Variants in KCTD1 observed in about 807,000 individuals in gnomAD.
KCTD1 encodes BTB/POZ domain-containing protein KCTD1.
In KCTD1, 24 loss-of-function variants were observed where a neutral mutation model predicts 66.0. The observed-to-expected ratio is 0.36, with a 90% CI of 0.26 to 0.51. KCTD1 has a LOEUF of 0.51. KCTD1 is among the 20% of genes least tolerant of loss of function. KCTD1 has a pLI of 0.95. For synonymous variants in KCTD1, 511 were observed against 517.2 expected (o/e 0.99, Z 0.16); for missense variants, 943 against 1,205.2 (o/e 0.78, Z 3.22).
chr18:26,468,905 C>T lies in KCTD1; in HGVS notation c.2133+7610G>A, dbSNP rs149497961. Among the ~76,000 whole-genome samples, 15 of 152,268 alleles carry T rather than the reference C, an allele frequency of 9.9e-5. No homozygotes were observed. Among genetic ancestry groups the T allele is most frequent in the East Asian group, 1.9e-4 (1 of 5,178 alleles). ...TCCCAGGTTCAAGAGAAAACTCTGA[C>T]GAGGAAGAAAGCACCAATAGTACTG... On this transcript the variant is annotated intron_variant, in intron 3 of 4. Coordinates refer to ENST00000580059, the MANE Select transcript of KCTD1 (RefSeq NM_001142730.3). This position sits in a 1 kb window ranked among gnomAD's most constrained non-coding sequence, Gnocchi z 4.8.
intron 1 of KCTD1, among the ~76,000 whole-genome samples, chr18:26,531,593 T>C (rs1172909012): frequency 1.3e-5 from 2 of 152,234 alleles, no homozygotes; most frequent in African/African-American, 4.8e-5. Context: ...TTTCCCTCAG[T>C]GTACTTAAAC....
chr18:26,533,827 T>TAA (rs143763803), intron 1 of KCTD1, among the ~76,000 whole-genome samples: 6 of 130,444 alleles, frequency 4.6e-5, no homozygotes, highest in African/African-American at 5.7e-5. Context: ...AGCTATTATT[T>TAA]AAAAAAAAAA....
At chr18:26,477,840 G>C (rs929822853) in intron 2 of KCTD1, among the ~76,000 whole-genome samples, 1 of 152,142 alleles carries the variant, frequency 6.6e-6, no homozygotes, top group African/African-American at 2.4e-5. Context: ...AAGGTAGTAA[G>C]TGCAAAGAGG....
At chr18:26,553,091 A>G (rs1462116715), upstream of KCTD1, among the ~76,000 whole-genome samples, 1 of 151,636 alleles carries the variant, frequency 6.6e-6, no homozygotes. Flanking sequence ...CCTGGGCTCA[A>G]GTGATCCTCC....
At chr18:26,641,894 C>T (rs1049003960), upstream of KCTD1, among the ~76,000 whole-genome samples, 1 of 152,090 alleles carries the variant, frequency 6.6e-6, no homozygotes. Context: ...TATACACATG[C>T]ATATGTGTAC....
chr18:26,585,944 T>C (rs1034679742), intron 1 of KCTD1, among the ~76,000 whole-genome samples: 23 of 152,194 alleles, frequency 1.5e-4, no homozygotes, highest in Non-Finnish European at 2.4e-4. Flanking sequence ...CCTAGCTACC[T>C]GGCAGGCTTG....
At chr18:26,490,544 CTA>C (rs777887694) in intron 2 of KCTD1, among the ~76,000 whole-genome samples, 1 of 152,156 alleles carries the variant, frequency 6.6e-6, no homozygotes, top group Non-Finnish European at 1.5e-5. Context: ...CAGGCAGGTC[CTA>C]AGGCTACTCT....
intron 1 of KCTD1, among the ~76,000 whole-genome samples, chr18:26,511,515 C>T (rs773062956): frequency 1.2e-4 from 18 of 152,134 alleles, no homozygotes; most frequent in Non-Finnish European, 2.9e-5. Flanking sequence ...GGGGAAGATG[C>T]GAACAACAGC....
chr18:26,541,382 C>T (rs1230940548), intron 1 of KCTD1, among the ~76,000 whole-genome samples: 1 of 152,190 alleles, frequency 6.6e-6, no homozygotes, highest in Non-Finnish European at 1.5e-5. Context: ...AACGCAGACA[C>T]TTTTCACTTA....
intron 2 of KCTD1, 133 bp downstream of exon 2, chr18:26,500,939 C>T (rs1020501404): frequency 3.4e-5 from 30 of 877,280 alleles, no homozygotes; most frequent in Non-Finnish European, 5.1e-5. Flanking sequence ...GCCTAGGCAG[C>T]AGGGTGGCTC....
intron 4 of KCTD1, chr18:26,458,508 C>T (rs538557975): frequency 6.6e-6 from 1 of 152,386 alleles, no homozygotes; most frequent in South Asian, 2.1e-4. Flanking sequence ...AGGTGTGCCT[C>T]TGCCTTCCCA....
At chr18:26,475,970 G>C (rs1236225642) in intron 3 of KCTD1, among the ~76,000 whole-genome samples, 1 of 152,144 alleles carries the variant, frequency 6.6e-6, no homozygotes, top group Non-Finnish European at 1.5e-5. Flanking sequence ...TCCATTTGAA[G>C]AAACATTGTC....
In KCTD1 at chr18:26,547,482, C is replaced by T; in HGVS notation, c.1055G>A (p.Gly352Glu). 1 of 1,551,518 alleles carries T rather than the reference C, an allele frequency of 6.4e-7. No homozygotes were observed. Among genetic ancestry groups the T allele is most frequent in the Non-Finnish European group, 8.7e-7 (1 of 1,146,994 alleles). The change falls in exon 1 of 5, where the codon GGG becomes GAG. Residue 352 changes from glycine to glutamate, a missense_variant. Gly to Glu is a moderately conservative substitution (Grantham distance 98). This residue lies in a region of KCTD1 where 66 missense variants were observed against 61.6 expected (regional missense o/e 1.07). Transcript: ENST00000580059. ...CGACGAGCGCGACTTGTGGTAGGGC[C>T]CGAGGGACTTGAAGTAGACGAACTT... Reference protein sequence around the residue: ...GRKFVYFKSLGPYHKSRSSSW... With the variant: ...GRKFVYFKSLEPYHKSRSSSW...
At chr18:26,541,262 C>A (rs187979909) in intron 1 of KCTD1, among the ~76,000 whole-genome samples, 74 of 152,302 alleles carry the variant, frequency 4.9e-4, no homozygotes, top group Non-Finnish European at 2.2e-4. Context: ...AGAGGGTCTT[C>A]AGAGAAAGGA....
chr18:26,525,716 C>T (rs1311370922), intron 1 of KCTD1, among the ~76,000 whole-genome samples: 1 of 152,166 alleles, frequency 6.6e-6, no homozygotes, highest in Non-Finnish European at 1.5e-5. Flanking sequence ...TTCCTCCCTC[C>T]CTGCCTGGCT....
chr18:26,477,092 G>A (rs1215295806), intron 2 of KCTD1, among the ~76,000 whole-genome samples: 12 of 152,082 alleles, frequency 7.9e-5, no homozygotes, highest in Admixed American at 6.5e-4. Flanking sequence ...CCCCAACCAC[G>A]AATCCCAAAC....
intron 1 of KCTD1, among the ~76,000 whole-genome samples, chr18:26,617,512 A>G (rs1987280865): frequency 6.6e-6 from 1 of 152,334 alleles, no homozygotes; most frequent in East Asian, 1.9e-4. Flanking sequence ...CTTTCCATCA[A>G]TTGGGTACTA....
chr18:26,576,237 C>T lies in KCTD1; in HGVS notation c.-16+52910G>A, dbSNP rs146893483. Among the ~76,000 whole-genome samples the T allele has an allele frequency of 4.3e-3, 662 of 152,248 alleles. 4 individuals are homozygous for T. The highest frequency in any genetic ancestry group is 0.015 in the African/African-American group (616 of 41,542). On this transcript the variant is annotated intron_variant, in intron 1 of 4. Coordinates refer to the KCTD1 transcript ENST00000317932. Reference sequence around the variant, plus strand: ...CATTTGACTACGAATTCTTTAAAGACAAAAATTGCATTGTTTATCGCTGTT... The same window carrying T: ...CATTTGACTACGAATTCTTTAAAGATAAAAATTGCATTGTTTATCGCTGTT...
rs1432396853 is a variant in KCTD1, at chr18:26,548,131, G to C, written c.406C>G (p.Pro136Ala). The change falls in exon 1 of 5, where the codon CCG becomes GCG. Residue 136 changes from proline to alanine, a missense_variant. Pro to Ala is a conservative substitution (Grantham distance 27). Coordinates refer to ENST00000580059, the MANE Select transcript of KCTD1 (RefSeq NM_001142730.3). ...GCCCGGGGCGCCAGCAGTCGCGGCG[G>C]CGCCTCGGGCTCCAGCGCGGCGCTC... Reference protein sequence around the residue: ...DQSAALEPEAPPRLLAPRARG... With the variant: ...DQSAALEPEAAPRLLAPRARG... The C allele has an allele frequency of 1.5e-6, 2 of 1,319,190 alleles. No individual in the cohort carries two copies. The highest frequency in any genetic ancestry group is 3.9e-5 in the Admixed American group (1 of 25,436). 81.7% of individuals were successfully genotyped at this position (1,319,190 alleles called of 1,614,324 possible).
Sources: gnomAD v4.1 joint callset for allele counts (sites outside exome capture counted in the v4.1 genomes callset) on GRCh38, gnomAD v4.1.1 for gene constraint, gnomAD v4.1.1 regional missense constraint, Gnocchi (gnomAD v3.1) non-coding constraint, MANE v1.5 for transcripts, NCBI Gene and HGNC (gene_info 2026-07-23, HGNC 2026-07-21) for gene names.